STRBP: variants seen among roughly 807,000 people sequenced by gnomAD.
The protein encoded by STRBP is spermatid perinuclear RNA-binding protein.
In STRBP, 13 loss-of-function variants were observed where a neutral mutation model predicts 80.1. The ratio of observed to expected loss-of-function variants is 0.16; its 90% CI spans 0.11 to 0.26. The LOEUF (loss-of-function observed/expected upper bound fraction) is 0.26. Ranked by LOEUF, STRBP falls within the 10% of genes least tolerant of loss-of-function variation. The probability of loss-of-function intolerance (pLI) is 1.00; values close to 1 mark genes in which losing one functional copy is unlikely to be tolerated. For missense variants in STRBP, 485 were observed against 815.2 expected, an observed-to-expected ratio of 0.59 and a Z score of 4.93; for synonymous variants, 284 against 291.2, an observed-to-expected ratio of 0.98 and a Z score of 0.25.
At chr9:123,197,536 A>C (rs936061343) in intron 2 of STRBP, among the ~76,000 whole-genome samples, 5 of 151,980 alleles carry the variant, frequency 3.3e-5, no homozygotes, top group Admixed American at 3.3e-4. Flanking sequence ...AAAATTCATT[A>C]TATCACTCCG....
At chr9:123,264,902 TAAG>T (rs2041236532) in intron 1 of STRBP, among the ~76,000 whole-genome samples, 1 of 152,060 alleles carries the variant, frequency 6.6e-6, no homozygotes, top group South Asian at 2.1e-4. Context: ...TTAAGAAATA[TAAG>T]GAGGAAACAA....
At chr9:123,264,289 G>C (rs76419659) in intron 1 of STRBP, among the ~76,000 whole-genome samples, 2,082 of 152,328 alleles carry the variant, frequency 0.014, 51 homozygotes, top group African/African-American at 0.047. Context: ...TCTCTCACAA[G>C]CTTCTGCTCA....
At chr9:123,163,580 G>A (rs940624170) in intron 6 of STRBP, among the ~76,000 whole-genome samples, 13 of 152,040 alleles carry the variant, frequency 8.6e-5, no homozygotes, top group African/African-American at 2.9e-4. Flanking sequence ...AAACAGTAGA[G>A]GAGATATAAT....
At chr9:123,235,878 G>A (rs1012920758) in intron 2 of STRBP, among the ~76,000 whole-genome samples, 19 of 152,122 alleles carry the variant, frequency 1.2e-4, no homozygotes, top group African/African-American at 4.3e-4. Flanking sequence ...ACACCAGAAT[G>A]AGTTTGCTAC....
intron 2 of STRBP, among the ~76,000 whole-genome samples, chr9:123,212,915 G>A (rs965420788): frequency 4.6e-5 from 7 of 152,184 alleles, no homozygotes; most frequent in Non-Finnish European, 8.8e-5. Context: ...ACAAGATCAT[G>A]CAACTAGTAA....
In STRBP at chr9:123,147,885, G is replaced by C; in HGVS notation, c.1046-15C>G. 2 of 1,601,672 alleles carry C rather than the reference G, an allele frequency of 1.2e-6. No homozygotes were observed. The highest frequency in any genetic ancestry group is 4.5e-5 in the East Asian group (2 of 44,684). On this transcript the variant is annotated splice_polypyrimidine_tract_variant and intron_variant, in intron 11 of 18. Coordinates refer to ENST00000348403, the MANE Select transcript of STRBP (RefSeq NM_018387.5). ...AGACCCAGCACCTAAAAAAAATTAT[G>C]AGGGATTCATTATCAGTCAAAACAA...
At chr9:123,208,751 G>C (rs540644818) in intron 2 of STRBP, among the ~76,000 whole-genome samples, 5 of 152,106 alleles carry the variant, frequency 3.3e-5, no homozygotes, top group Non-Finnish European at 5.9e-5. Flanking sequence ...CATACTTCTA[G>C]TATTTGTTCC....
At position 123,184,121 on chromosome 9, in the gene STRBP, C is replaced by A; in HGVS notation, c.3+11G>T. 1 of 1,607,836 alleles carries A rather than the reference C, an allele frequency of 6.2e-7. No homozygotes were observed. Among genetic ancestry groups the A allele is most frequent in the Non-Finnish European group, 8.5e-7 (1 of 1,176,686 alleles). On this transcript the variant is annotated intron_variant, in intron 3 of 18. Coordinates refer to ENST00000348403, the MANE Select transcript of STRBP (RefSeq NM_018387.5). ...TGTAACTAAATTATGAAAATATCCA[C>A]AATAACCTACCATGGTTTTCTATAG...
chr9:123,222,698 C>G (rs2040104803), intron 2 of STRBP, among the ~76,000 whole-genome samples: 1 of 152,132 alleles, frequency 6.6e-6, no homozygotes, highest in African/African-American at 2.4e-5. Context: ...AAACACAGAT[C>G]ATCAGAATAA....
In STRBP at chr9:123,144,211, A is replaced by G. The variant is rs564949623; in HGVS notation, c.1338+2644T>C. ...AGACTCCGTCTCAAAAAAAAAAAAAAAAAGAAAGAAAGAAAGAAAGATCCT... is the reference window on the plus strand; with the variant it reads ...AGACTCCGTCTCAAAAAAAAAAAAAGAAAGAAAGAAAGAAAGAAAGATCCT... On this transcript the variant is annotated intron_variant, in intron 13 of 18. Transcript: ENST00000348403. Among the ~76,000 whole-genome samples the G allele has an allele frequency of 3.2e-3, 482 of 151,708 alleles. 1 individual carries two copies. Among genetic ancestry groups the G allele is most frequent in the Middle Eastern group, 0.014 (4 of 294 alleles).
intron 2 of STRBP, among the ~76,000 whole-genome samples, chr9:123,223,084 T>C (rs1490741934): frequency 2.0e-5 from 3 of 150,994 alleles, no homozygotes; most frequent in African/African-American, 7.3e-5. Flanking sequence ...GATAGATAGA[T>C]AGATAGATAG....
At chr9:123,147,929 A>G (rs1263970942) in intron 11 of STRBP, 59 bp from the exon 12 acceptor site, 5 of 1,401,970 alleles carry the variant, frequency 3.6e-6, no homozygotes, top group South Asian at 1.2e-5. Context: ...TTACCGTACC[A>G]TATGTATCTA....
intron 6 of STRBP, chr9:123,168,045 A>C: frequency 1.1e-5 from 2 of 182,900 alleles, no homozygotes; most frequent in Non-Finnish European, 2.1e-5. Context: ...GATACAAGCA[A>C]ACATGTAATT....
intron 1 of STRBP, among the ~76,000 whole-genome samples, chr9:123,238,675 G>T (rs2040624188): frequency 6.6e-6 from 1 of 152,118 alleles, no homozygotes; most frequent in Admixed American, 6.6e-5. Flanking sequence ...AAATAGTTAA[G>T]ATTCAAATAA....
At chr9:123,256,898 C>CTT (rs754149758) in intron 1 of STRBP, among the ~76,000 whole-genome samples, 4 of 134,290 alleles carry the variant, frequency 3.0e-5, no homozygotes, top group Admixed American at 7.5e-5. Flanking sequence ...AGCCAGGAAT[C>CTT]TTTTTTTTTT....
In STRBP at chr9:123,136,169, C is replaced by T; in HGVS notation, c.1645G>A (p.Gly549Arg). The T allele has an allele frequency of 6.2e-7, 1 of 1,614,172 alleles. No homozygotes were observed. Among genetic ancestry groups the T allele is most frequent in the Non-Finnish European group, 8.5e-7 (1 of 1,180,028 alleles). ...GGACCTGCGCCTCTGAATTTCTGTC[C>T]ATCTACTTCTACCTACAATCAAGAA... ...KRFVMEVEVD[G>R]QKFRGAGPNK... is the part of the protein sequence containing the mutation. Residue 549 changes from glycine (G) to arginine (R), a missense_variant, in exon 16 of 19, where the codon GGA becomes AGA. Physicochemically the swap from Gly to Arg is moderately radical, Grantham distance 125. Transcript: ENST00000348403. The surrounding 1 kb of genome is among the most constrained non-coding windows in gnomAD (Gnocchi z 4.2).
intron 1 of STRBP, among the ~76,000 whole-genome samples, chr9:123,264,556 G>A (rs971741103): frequency 6.6e-6 from 1 of 152,206 alleles, no homozygotes; most frequent in African/African-American, 2.4e-5. Flanking sequence ...CAGTCTTCCC[G>A]AAAGACTTAA....
intron 11 of STRBP, among the ~76,000 whole-genome samples, chr9:123,152,547 G>C (rs2037102089): frequency 6.6e-6 from 1 of 152,060 alleles, no homozygotes; most frequent in African/African-American, 2.4e-5. Context: ...TACTGAACAA[G>C]AAGGTACAAA....
intron 1 of STRBP, among the ~76,000 whole-genome samples, chr9:123,263,932 C>G (rs2041213429): frequency 6.6e-6 from 1 of 152,218 alleles, no homozygotes; most frequent in African/African-American, 2.4e-5. Context: ...GTAATCCCAG[C>G]ACTTTGGGAG....
Sources: allele counts gnomAD v4.1 joint callset (sites outside exome capture counted in the v4.1 genomes callset), GRCh38; gene constraint gnomAD v4.1.1; non-coding constraint Gnocchi (gnomAD v3.1); transcripts MANE v1.5; gene names NCBI Gene and HGNC (gene_info 2026-07-23, HGNC 2026-07-21).